ADAMTS10: variants seen among roughly 807,000 people sequenced by gnomAD.
ADAMTS10 encodes the protein ADAM metallopeptidase with thrombospondin type 1 motif 10.
Under a neutral mutation model 135.9 loss-of-function variants are expected in ADAMTS10, and 48 were observed. The ratio of observed to expected loss-of-function variants is 0.35; its 90% CI spans 0.28 to 0.45. The LOEUF (loss-of-function observed/expected upper bound fraction) is 0.45. Among genes scored for constraint, ADAMTS10 ranks in the 20% least tolerant of loss-of-function variants. The pLI is 1.00. For synonymous variants in ADAMTS10, 621 were observed against 647.5 expected, an observed-to-expected ratio of 0.96 and a Z score of 0.62; for missense variants, 1,131 against 1,565.2, an observed-to-expected ratio of 0.72 and a Z score of 4.68.
At position 8,586,582 on chromosome 19, in the gene ADAMTS10, C is replaced by T. The variant is rs1363240605; in HGVS notation, c.2379G>A (p.Pro793=). The change falls in exon 20 of 26, where the codon CCG becomes CCA. Residue 793 remains proline (P), a synonymous_variant. Transcript: ENST00000597188. The stretch of plus-strand genomic sequence containing the variant: ...CCATGACGATGAGAGATGCATTAAT[C>T]GGTCCCAGGGCTTCGAGGCTCTGGA... ...DQVQSLEALG[P]INASLIVMVL... 11 of 1,613,890 alleles carry T rather than the reference C, an allele frequency of 6.8e-6. No individual in the cohort carries two copies. Among genetic ancestry groups the T allele is most frequent in the South Asian group, 1.1e-5 (1 of 91,088 alleles).
intron 25 of ADAMTS10, among the ~76,000 whole-genome samples, chr19:8,584,509 A>AT (rs1418388545): frequency 3.3e-5 from 5 of 151,638 alleles, no homozygotes; most frequent in African/African-American, 9.7e-5. Context: ...ACAAACAAAA[A>AT]ACCCTACAAT....
Position 8,601,194 on chromosome 19 carries a change from A to G in ADAMTS10, c.593-49T>C. The G allele has an allele frequency of 3.1e-6, 5 of 1,592,586 alleles. No individual in the cohort carries two copies. The highest frequency in any genetic ancestry group is 4.3e-6 in the Non-Finnish European group (5 of 1,170,574). ...AAGCCCTGCCCTGCTGGTGGGACGC[A>G]GAGCTGCCTGACAACTGTCTTGTCC... On this transcript the variant is annotated intron_variant, in intron 5 of 25. Transcript: ENST00000597188. The surrounding 1 kb of genome is among the most constrained non-coding windows in gnomAD (Gnocchi z 4.6).
intron 4 of ADAMTS10, among the ~76,000 whole-genome samples, chr19:8,604,624 T>C (rs1245217602): frequency 4.0e-5 from 6 of 151,430 alleles, no homozygotes; most frequent in Non-Finnish European, 7.4e-5. Flanking sequence ...TAGGATTACA[T>C]ACACATACCA....
At position 8,605,086 on chromosome 19, in the gene ADAMTS10, G is replaced by C; in HGVS notation, c.361C>G (p.His121Asp). The C allele has an allele frequency of 1.2e-6, 2 of 1,612,790 alleles. No homozygotes were observed. Among genetic ancestry groups the C allele is most frequent in the Non-Finnish European group, 1.7e-6 (2 of 1,179,688 alleles). Residue 121 changes from histidine to aspartate, a missense_variant, in exon 4 of 26, where the codon CAC becomes GAC. Coordinates refer to ENST00000597188, the MANE Select transcript of ADAMTS10 (RefSeq NM_030957.4). This position sits in a 1 kb window ranked among gnomAD's most constrained non-coding sequence, Gnocchi z 7.7. ...TGCAGGTGACCAGCGTAGAGGCAGT[G>C]GGGCCGGGCCGCCCTCTGCCAGGCC... ...GLAWQRAARP[H>D]CLYAGHLQGQ...
At chr19:8,604,591 C>T (rs532964137) in intron 4 of ADAMTS10, among the ~76,000 whole-genome samples, 198 of 151,884 alleles carry the variant, frequency 1.3e-3, no homozygotes, top group Non-Finnish European at 2.4e-3. Context: ...AACTGATTCT[C>T]CCACCTCAGC....
intron 6 of ADAMTS10, among the ~76,000 whole-genome samples, chr19:8,597,767 A>G (rs2042622076): frequency 1.3e-5 from 2 of 151,742 alleles, no homozygotes; most frequent in Admixed American, 1.3e-4. Flanking sequence ...CAGCCTCCCA[A>G]GTAGCTGAGA....
At chr19:8,584,831 A>G (rs1246506556) in intron 25 of ADAMTS10, 64 bp downstream of exon 25, 11 of 1,541,608 alleles carry the variant, frequency 7.1e-6, no homozygotes, top group South Asian at 2.4e-5. Context: ...AGGACCCCCA[A>G]TGCCCTCTGT....
In ADAMTS10 at chr19:8,586,725, G is replaced by A; in HGVS notation, c.2240-4C>T. Reference sequence around the variant, plus strand: ...GACTCCTGGTCTCCCTTCAGGGCTGGGGGACGATGCAGGGTTCAGAATTCT... The same window carrying A: ...GACTCCTGGTCTCCCTTCAGGGCTGAGGGACGATGCAGGGTTCAGAATTCT... On this transcript the variant is annotated splice_region_variant and splice_polypyrimidine_tract_variant and intron_variant, in intron 19 of 25. Transcript: ENST00000597188. The A allele has an allele frequency of 6.2e-7, 1 of 1,614,064 alleles. No individual in the cohort carries two copies. Among genetic ancestry groups the A allele is most frequent in the East Asian group, 2.2e-5 (1 of 44,868 alleles).
rs782597342 is a variant in ADAMTS10 at position 8,586,806 on chromosome 19, A to G, written c.2239+10T>C. On this transcript the variant is annotated intron_variant, in intron 19 of 25. Coordinates refer to ENST00000597188, the MANE Select transcript of ADAMTS10 (RefSeq NM_030957.4). ...CCCTAATCCTCATCCCCTCCCCACC[A>G]TCTGCTCACCCAAGTGACTGAGAGA... is the stretch of plus-strand genomic sequence containing the variant. The G allele has an allele frequency of 3.1e-6, 5 of 1,613,894 alleles. No individual in the cohort carries two copies. The highest frequency in any genetic ancestry group is 4.2e-6 in the Non-Finnish European group (5 of 1,179,978).
intron 15 of ADAMTS10, among the ~76,000 whole-genome samples, chr19:8,590,738 G>C: frequency 3.9e-5 from 6 of 152,152 alleles, no homozygotes. Context: ...GGGATTGCAG[G>C]CATGAGCCAC....
chr19:8,590,632 G>A (rs2042511325), intron 15 of ADAMTS10, among the ~76,000 whole-genome samples: 1 of 151,940 alleles, frequency 6.6e-6, no homozygotes, highest in Non-Finnish European at 1.5e-5. Context: ...CTAATTTTTT[G>A]TATTTTTAGT....
intron 17 of ADAMTS10, 38 bp downstream of exon 17, chr19:8,589,414 C>G (rs1555738248): frequency 6.2e-6 from 10 of 1,610,784 alleles, no homozygotes; most frequent in Non-Finnish European, 8.5e-6. Flanking sequence ...CACCCCCGCT[C>G]CCCATCCCCT....
chr19:8,602,180 G>A (rs2042675514), intron 5 of ADAMTS10, among the ~76,000 whole-genome samples: 1 of 152,176 alleles, frequency 6.6e-6, no homozygotes, highest in East Asian at 1.9e-4. Context: ...CCACCCAACT[G>A]TGACATCGTA....
At chr19:8,600,500 C>CTTTTTTTTTTTTT (rs797035354) in intron 6 of ADAMTS10, among the ~76,000 whole-genome samples, 1 of 129,822 alleles carries the variant, frequency 7.7e-6, no homozygotes, top group Non-Finnish European at 1.6e-5. Context: ...TCTTTCTTTT[C>CTTTTTTTTTTTTT]TTTTTTTTTT....
chr19:8,595,400 G>A (rs1424184822), intron 12 of ADAMTS10, among the ~76,000 whole-genome samples: 4 of 152,092 alleles, frequency 2.6e-5, no homozygotes, highest in Admixed American at 1.3e-4. Flanking sequence ...AATTATTTCC[G>A]TCAGGACTGG....
At position 8,589,514 on chromosome 19, in the gene ADAMTS10, C is replaced by T; in HGVS notation, c.1972G>A (p.Val658Met). The T allele has an allele frequency of 4.3e-6, 7 of 1,613,578 alleles. No homozygotes were observed. Among genetic ancestry groups the T allele is most frequent in the African/African-American group, 1.3e-5 (1 of 75,040 alleles). ...GGACGGCAGGGTGTCCCGTCCACCA[C>T]GGCTGCCGCCCTCTCCGTGTAGAAG... The part of the protein sequence containing the change: ...FNFYTERAAA[V>M]VDGTPCRPDT... The change falls in exon 17 of 26, where the codon GTG (valine) becomes ATG (methionine). Residue 658 changes from valine (V) to methionine (M), a missense_variant. By Grantham distance (21) the Val-to-Met change is conservative. Coordinates refer to ENST00000597188, the MANE Select transcript of ADAMTS10 (RefSeq NM_030957.4).
chr19:8,580,835 CG>C lies in ADAMTS10; in HGVS notation c.*57del, dbSNP rs2042334844. 1 of 1,438,184 alleles carries C rather than the reference CG, an allele frequency of 7.0e-7. No homozygotes were observed. The highest frequency in any genetic ancestry group is 2.0e-5 in the Admixed American group (1 of 50,972). The allele number at this position is 1,438,184 out of a possible 1,614,324, so 89.1% of individuals were successfully genotyped here. On this transcript the variant is annotated 3_prime_UTR_variant, in exon 26 of 26. Coordinates refer to ENST00000597188, the MANE Select transcript of ADAMTS10 (RefSeq NM_030957.4). The stretch of plus-strand genomic sequence containing the variant: ...CCCCCGGGGCCCCCTCTGGCCGGCC[CG>C]CTGCAGGGCTGGCGGCGGAGACCCC...
Position 8,596,666 on chromosome 19 carries a change from G to T in ADAMTS10, c.1041-81C>A. 2 of 1,549,750 alleles carry T rather than the reference G, an allele frequency of 1.3e-6. No homozygotes were observed. The highest frequency in any genetic ancestry group is 1.8e-6 in the Non-Finnish European group (2 of 1,135,416). On this transcript the variant is annotated intron_variant, in intron 8 of 25. Coordinates refer to ENST00000597188, the MANE Select transcript of ADAMTS10 (RefSeq NM_030957.4). The surrounding 1 kb of genome is among the most constrained non-coding windows in gnomAD (Gnocchi z 7.2). ...GATGCCACCATGCCCAGCTCTGGGG[G>T]TTGAGTCCTGCCTTGGAGGCGCCAT...
chr19:8,585,585 C>G lies in ADAMTS10; in HGVS notation c.2736G>C (p.Gln912His), dbSNP rs2042417158. ...AGVRSRSVVC[Q>H]RRVSAAEEKA... ...TCTCCTCCGCGGCAGAGACGCGGCG[C>G]TGGCACACGACCGAGCGGCTGCGCA... Residue 912 changes from glutamine (Q) to histidine (H), a missense_variant, in exon 23 of 26, where the codon CAG becomes CAC. Physicochemically the swap from Gln to His is conservative, Grantham distance 24 (BLOSUM62 0). Around this residue, in one of 3 missense-constraint regions of ADAMTS10, gnomAD observed 745 missense variants for 1,056.3 expected, o/e 0.71. Coordinates refer to ENST00000597188, the MANE Select transcript of ADAMTS10 (RefSeq NM_030957.4). 1.2e-6 allele frequency: 2 copies of G among 1,608,996 alleles called. No individual in the cohort carries two copies. The highest frequency in any genetic ancestry group is 4.5e-5 in the East Asian group (2 of 44,754).
Sources: gnomAD v4.1 joint callset for allele counts (sites outside exome capture counted in the v4.1 genomes callset) on GRCh38, gnomAD v4.1.1 for gene constraint, gnomAD v4.1.1 regional missense constraint, Gnocchi (gnomAD v3.1) non-coding constraint, MANE v1.5 for transcripts, NCBI Gene and HGNC (gene_info 2026-07-23, HGNC 2026-07-21) for gene names.